The following SH3PXD2A variants were observed in gnomAD, a reference collection of about 807,000 sequenced individuals.
SH3PXD2A encodes the protein SH3 and PX domains 2A.
Under a neutral mutation model 115.2 loss-of-function variants are expected in SH3PXD2A, and 32 were observed. That is an observed-to-expected ratio of 0.28 (90% CI 0.21 to 0.37). The LOEUF (loss-of-function observed/expected upper bound fraction) is 0.37, where lower values mean the gene tolerates loss of function less well. SH3PXD2A is among the 10% of genes least tolerant of loss of function. SH3PXD2A has a pLI of 1.00. For missense variants in SH3PXD2A, 1,328 were observed against 1,498.7 expected (o/e 0.89, Z 1.88); for synonymous variants, 610 against 629.1 (o/e 0.97, Z 0.45).
intron 3 of SH3PXD2A, among the ~76,000 whole-genome samples, chr10:103,753,091 A>T (rs1171099478): frequency 2.0e-5 from 3 of 152,108 alleles, no homozygotes; most frequent in Admixed American, 2.0e-4. Context: ...ACCCTGGTGC[A>T]GGCAACATAC....
chr10:103,783,018 G>A (rs1329010251), intron 2 of SH3PXD2A, among the ~76,000 whole-genome samples: 1 of 152,052 alleles, frequency 6.6e-6, no homozygotes, highest in Non-Finnish European at 1.5e-5. Context: ...GGGACCTGAG[G>A]GAAGGGACTG....
chr10:103,602,903 T>G lies in SH3PXD2A; in HGVS notation c.2315A>C (p.Lys772Thr). Residue 772 changes from lysine to threonine, a missense_variant, in exon 15 of 15, where the codon AAG becomes ACG. Transcript: ENST00000369774. ...LNRAESQSQE[K>T]MDISTLRRQL... ...GCGCCGTAAAGTGCTGATGTCCATCTTCTCTTGGCTCTGCGACTCTGCTCG... is the reference window on the plus strand; with the variant it reads ...GCGCCGTAAAGTGCTGATGTCCATCGTCTCTTGGCTCTGCGACTCTGCTCG... 1.2e-6 allele frequency: 2 copies of G among 1,614,114 alleles called. No homozygotes were observed. The highest frequency in any genetic ancestry group is 1.7e-6 in the Non-Finnish European group (2 of 1,179,946).
intron 1 of SH3PXD2A, among the ~76,000 whole-genome samples, chr10:103,841,019 G>C (rs1347027333): frequency 6.6e-6 from 1 of 152,196 alleles, no homozygotes; most frequent in Non-Finnish European, 1.5e-5. Flanking sequence ...GGGCTGACTT[G>C]AGAATCTTAA....
chr10:103,699,534 C>T (rs1436553039), intron 5 of SH3PXD2A, among the ~76,000 whole-genome samples: 4 of 152,184 alleles, frequency 2.6e-5, no homozygotes, highest in African/African-American at 9.7e-5. Context: ...CATGTTCTTC[C>T]AGAAACCAAG....
intron 12 of SH3PXD2A, among the ~76,000 whole-genome samples, chr10:103,612,633 C>T (rs1021088958): frequency 2.0e-5 from 3 of 152,230 alleles, no homozygotes; most frequent in Admixed American, 1.3e-4. Context: ...ATCTAGCTTC[C>T]GTGGAGCAGC....
chr10:103,602,329 A>C lies in SH3PXD2A; in HGVS notation c.2889T>G (p.Thr963=). Residue 963 remains threonine (T), a synonymous_variant, in exon 15 of 15, where the codon ACT becomes ACG. Coordinates refer to ENST00000369774, the MANE Select transcript of SH3PXD2A (RefSeq NM_001394015.1). ...CTCCGTTCCTCATCTTCACCGCTGG[A>C]GTGCCTGAGGTCTTGCCGAAGCCCC... The part of the protein sequence containing the change: ...PPGGFGKTSG[T]PAVKMRNGVR... 1 of 1,613,674 alleles carries C rather than the reference A, an allele frequency of 6.2e-7. No homozygotes were observed. The highest frequency in any genetic ancestry group is 1.1e-5 in the South Asian group (1 of 90,986).
intron 5 of SH3PXD2A, among the ~76,000 whole-genome samples, chr10:103,699,735 T>G (rs187617459): frequency 6.6e-6 from 1 of 152,364 alleles, no homozygotes; most frequent in Admixed American, 6.5e-5. Flanking sequence ...CAGGCCATTC[T>G]CTGCCCCCAT....
At chr10:103,703,234 C>A (rs998606027) in intron 5 of SH3PXD2A, among the ~76,000 whole-genome samples, 1 of 152,188 alleles carries the variant, frequency 6.6e-6, no homozygotes, top group Admixed American at 6.5e-5. Context: ...CCCGGGTGAT[C>A]GCCTCTTACA....
intron 8 of SH3PXD2A, among the ~76,000 whole-genome samples, chr10:103,653,460 T>C (rs1029055529): frequency 6.6e-6 from 1 of 152,348 alleles, no homozygotes; most frequent in Non-Finnish European, 1.5e-5. Flanking sequence ...TTTCCAGGGC[T>C]GCATGCCACA....
At chr10:103,781,285 C>T (rs1479406226) in intron 2 of SH3PXD2A, among the ~76,000 whole-genome samples, 1 of 152,190 alleles carries the variant, frequency 6.6e-6, no homozygotes, top group Non-Finnish European at 1.5e-5. Context: ...TGACCAGTGG[C>T]ACATGAGCAG....
intron 10 of SH3PXD2A, among the ~76,000 whole-genome samples, chr10:103,617,659 G>C (rs987457323): frequency 2.6e-5 from 4 of 152,194 alleles, no homozygotes; most frequent in African/African-American, 9.6e-5. Flanking sequence ...TTGCTGGGCC[G>C]AGGGCAGGAT....
intron 1 of SH3PXD2A, among the ~76,000 whole-genome samples, chr10:103,849,907 A>T (rs1262637381): frequency 6.6e-6 from 1 of 152,186 alleles, no homozygotes; most frequent in African/African-American, 2.4e-5. Flanking sequence ...AAGTGGGACT[A>T]CCATGTGTAT....
chr10:103,730,640 T>C (rs2038305435), intron 4 of SH3PXD2A, among the ~76,000 whole-genome samples: 2 of 152,206 alleles, frequency 1.3e-5, no homozygotes, highest in African/African-American at 4.8e-5. Context: ...CATCAGGGCC[T>C]GGGGGATATG....
At chr10:103,696,212 C>G (rs1232861277) in intron 5 of SH3PXD2A, among the ~76,000 whole-genome samples, 1 of 152,222 alleles carries the variant, frequency 6.6e-6, no homozygotes, top group African/African-American at 2.4e-5. Flanking sequence ...GGTGTCTGGC[C>G]TGCCCGAGCA....
chr10:103,662,353 CG>C lies in SH3PXD2A; in HGVS notation c.473-1240del, dbSNP rs370957019. Among the ~76,000 whole-genome samples the C allele has an allele frequency of 9.2e-3, 87 of 9,508 alleles. 10 individuals carry two copies. The highest frequency in any genetic ancestry group is 0.035 in the African/African-American group (83 of 2,384). 6.2% of individuals were successfully genotyped at this position (9,508 alleles called of 152,430 possible). Reference sequence around the variant, plus strand: ...TCACCATTATTGGCGGGGGGGGGGGCGGGGGGGGATAAGACACTTAAAATAT... The same window carrying C: ...TCACCATTATTGGCGGGGGGGGGGGCGGGGGGGATAAGACACTTAAAATAT... On this transcript the variant is annotated intron_variant, in intron 7 of 14. Transcript: ENST00000369774.
At chr10:103,739,995 G>A (rs1288975054) in intron 3 of SH3PXD2A, among the ~76,000 whole-genome samples, 3 of 152,306 alleles carry the variant, frequency 2.0e-5, no homozygotes, top group Non-Finnish European at 2.9e-5. Flanking sequence ...GTGCTCATCG[G>A]AGGCCTGGGC....
chr10:103,750,547 G>A (rs2038564099), intron 3 of SH3PXD2A, among the ~76,000 whole-genome samples: 1 of 152,200 alleles, frequency 6.6e-6, no homozygotes, highest in South Asian at 2.1e-4. Context: ...GGATGGACAG[G>A]GCGAGAGTCT....
intron 8 of SH3PXD2A, among the ~76,000 whole-genome samples, chr10:103,637,918 G>A (rs967546732): frequency 6.6e-6 from 1 of 152,148 alleles, no homozygotes; most frequent in African/African-American, 2.4e-5. Flanking sequence ...CTGCCTTTGT[G>A]GAACCAGAGA....
At chr10:103,700,857 G>A (rs924206293) in intron 5 of SH3PXD2A, among the ~76,000 whole-genome samples, 1 of 152,160 alleles carries the variant, frequency 6.6e-6, no homozygotes, top group Non-Finnish European at 1.5e-5. Context: ...AAAATGGGGT[G>A]ATGGGGTTCA....
Sources: allele counts gnomAD v4.1 joint callset (sites outside exome capture counted in the v4.1 genomes callset), GRCh38; gene constraint gnomAD v4.1.1; transcripts MANE v1.5; gene names NCBI Gene and HGNC (gene_info 2026-07-23, HGNC 2026-07-21).